Variants in AMZ1 observed in about 807,000 individuals in gnomAD.
AMZ1 encodes archaelysin family metallopeptidase 1, also known as archaemetzincin-1.
A neutral mutation model predicts 29.9 loss-of-function variants in AMZ1; 39 were observed. The ratio of observed to expected loss-of-function variants is 1.30; its 90% CI spans 1.01 to 1.70. The LOEUF (loss-of-function observed/expected upper bound fraction) is 1.70. Among genes scored for constraint, AMZ1 ranks in the 40% most tolerant of loss-of-function variants. The pLI, the probability that AMZ1 is intolerant of heterozygous loss-of-function variation, is 0.00. For synonymous variants in AMZ1, 458 were observed against 304.0 expected, an observed-to-expected ratio of 1.51 and a Z score of -5.27; for missense variants, 1,041 against 680.6, an observed-to-expected ratio of 1.53 and a Z score of -5.89.
chr7:2,759,167 AT>A (rs1791441035), intron 4 of AMZ1, among the ~76,000 whole-genome samples: 2 of 149,970 alleles, frequency 1.3e-5, no homozygotes, highest in Non-Finnish European at 3.0e-5. Flanking sequence ...AAATAAATAA[AT>A]AAATAAATAA....
At chr7:2,691,374 G>A (rs1449133179) in intron 1 of AMZ1, among the ~76,000 whole-genome samples, 1 of 148,278 alleles carries the variant, frequency 6.7e-6, no homozygotes, top group Non-Finnish European at 1.5e-5. Context: ...TTCCCTCTCT[G>A]AGCCTCAGTC....
rs140322696 is a variant in AMZ1 at position 2,731,302 on chromosome 7, C to T, written n.550+21486C>T. 3.7e-6 allele frequency: 6 copies of T among 1,613,682 alleles called. No homozygotes were observed. The highest frequency in any genetic ancestry group is 5.1e-6 in the Non-Finnish European group (6 of 1,179,838). Reference sequence around the variant, plus strand: ...GAAGTGGTGGAAGAGTGGCTTGCTGCGGTTCCGTCTCTTCCTGTCGAAGCA... The same window carrying T: ...GAAGTGGTGGAAGAGTGGCTTGCTGTGGTTCCGTCTCTTCCTGTCGAAGCA... On this transcript the variant is annotated intron_variant and non_coding_transcript_variant, in intron 4 of 4. Transcript: ENST00000489665. This position sits in a 1 kb window ranked among gnomAD's most constrained non-coding sequence, Gnocchi z 6.0.
intron 4 of AMZ1, among the ~76,000 whole-genome samples, chr7:2,735,563 G>C (rs1053645607): frequency 6.6e-6 from 1 of 152,284 alleles, no homozygotes; most frequent in East Asian, 1.9e-4. Context: ...CGTTTCCCTC[G>C]GTGTGAGTCT....
chr7:2,722,157 G>A (rs1008547314), downstream of AMZ1, among the ~76,000 whole-genome samples: 3 of 152,224 alleles, frequency 2.0e-5, no homozygotes, highest in African/African-American at 7.2e-5. Context: ...AGGAAAGGGA[G>A]TTCAGGACAC....
chr7:2,685,016 C>T (rs1787019659), upstream of AMZ1, among the ~76,000 whole-genome samples: 1 of 151,826 alleles, frequency 6.6e-6, no homozygotes, highest in Non-Finnish European at 1.5e-5. Flanking sequence ...ACTACAGGCG[C>T]CCGCCACCAC....
Position 2,700,519 on chromosome 7 carries a change from C to T in AMZ1, c.68C>T (p.Ser23Phe). The change falls in exon 2 of 7, where the codon TCC becomes TTC. Residue 23 changes from serine (S) to phenylalanine (F), a missense_variant. Physicochemically the swap from Ser to Phe is radical, Grantham distance 155 (BLOSUM62 -2). Transcript: ENST00000683327. ...CGGGCCTTGAAGGACGCTCTGGTCT[C>T]CACTGACGCAGCCCTGCAGCAGCTG... The part of the protein sequence containing the change: ...GPRALKDALV[S>F]TDAALQQLYV... The T allele has an allele frequency of 6.2e-7, 1 of 1,607,776 alleles. No individual in the cohort carries two copies. The highest frequency in any genetic ancestry group is 8.5e-7 in the Non-Finnish European group (1 of 1,179,910).
chr7:2,702,697 G>T, intron 2 of AMZ1, 25 bp from the exon 3 acceptor site: 3 of 1,512,696 alleles, frequency 2.0e-6, no homozygotes, highest in Non-Finnish European at 2.7e-6. Context: ...GCGTCGCAGG[G>T]CTGACGGTGC....
Position 2,700,626 on chromosome 7 carries a change from C to A in AMZ1, c.175C>A (p.Leu59Ile). Residue 59 changes from leucine to isoleucine, a missense_variant, in exon 2 of 7, where the codon CTC becomes ATC. Coordinates refer to ENST00000683327, the MANE Select transcript of AMZ1 (RefSeq NM_001384743.1). ...GCAGAGGACGCTCTTCTGCACCCTG[C>A]TCATCCGCACGGGCTTCGACTGGCT... Reference protein sequence around the residue: ...NPQRTLFCTLLIRTGFDWLLS... With the variant: ...NPQRTLFCTLIIRTGFDWLLS... 1 of 1,611,314 alleles carries A rather than the reference C, an allele frequency of 6.2e-7. No individual in the cohort carries two copies. The highest frequency in any genetic ancestry group is 8.5e-7 in the Non-Finnish European group (1 of 1,180,008).
intron 4 of AMZ1, among the ~76,000 whole-genome samples, chr7:2,759,521 T>G (rs755197196): frequency 4.8e-4 from 73 of 152,204 alleles, no homozygotes; most frequent in Admixed American, 7.2e-4. Context: ...AAAAGACAAG[T>G]AAAAGGAAAG....
At chr7:2,699,486 G>T (rs576393019) in intron 1 of AMZ1, among the ~76,000 whole-genome samples, 2 of 152,110 alleles carry the variant, frequency 1.3e-5, no homozygotes, top group South Asian at 4.1e-4. Flanking sequence ...GGGCCCTCAC[G>T]TGTGTCCTGG....
chr7:2,734,817 G>A (rs558099167), intron 4 of AMZ1, among the ~76,000 whole-genome samples: 5 of 152,266 alleles, frequency 3.3e-5, no homozygotes, highest in East Asian at 1.9e-4. Context: ...AGGACGGGGC[G>A]AGCACGTGCA....
At chr7:2,763,700 T>A (rs1384155239), upstream of AMZ1, among the ~76,000 whole-genome samples, 2 of 152,206 alleles carry the variant, frequency 1.3e-5, no homozygotes. Context: ...AGCCTGGGCT[T>A]GTCCAGGAAA....
At chr7:2,759,097 A>G (rs798493) in intron 4 of AMZ1, among the ~76,000 whole-genome samples, 36,039 of 151,346 alleles carry the variant, frequency 0.24, 5,028 homozygotes, top group Non-Finnish European at 0.29. Flanking sequence ...CCGAGATTAC[A>G]CCATTGCACT....
upstream of AMZ1, among the ~76,000 whole-genome samples, chr7:2,761,870 A>C (rs1403231222): frequency 6.6e-6 from 1 of 152,170 alleles, no homozygotes; most frequent in Non-Finnish European, 1.5e-5. Flanking sequence ...TCACAACGTA[A>C]AATTCGGCTT....
chr7:2,746,747 A>T (rs1034121232), intron 4 of AMZ1, among the ~76,000 whole-genome samples: 2 of 152,212 alleles, frequency 1.3e-5, no homozygotes, highest in African/African-American at 4.8e-5. Flanking sequence ...TTTTGAAAAG[A>T]TCAACAAAAC....
At chr7:2,750,419 G>T (rs1188201252) in intron 4 of AMZ1, among the ~76,000 whole-genome samples, 1 of 152,230 alleles carries the variant, frequency 6.6e-6, no homozygotes, top group Non-Finnish European at 1.5e-5. Flanking sequence ...ATCCTCAGGG[G>T]ACACATGCTG....
chr7:2,685,855 GAAAAAAA>G (rs10710624), upstream of AMZ1, among the ~76,000 whole-genome samples: 1 of 86,760 alleles, frequency 1.2e-5, no homozygotes, highest in Admixed American at 1.3e-4. Flanking sequence ...TCCGTCTCAA[GAAAAAAA>G]AAAAAAAAAA....
chr7:2,757,418 T>C (rs1215762218), intron 4 of AMZ1, among the ~76,000 whole-genome samples: 1 of 152,144 alleles, frequency 6.6e-6, no homozygotes, highest in Non-Finnish European at 1.5e-5. Flanking sequence ...AGGAGCCACG[T>C]GGCAAGGAAG....
At chr7:2,682,270 C>G (rs968428009) in intron 1 of AMZ1, among the ~76,000 whole-genome samples, 1 of 149,384 alleles carries the variant, frequency 6.7e-6, no homozygotes, top group African/African-American at 2.5e-5. Flanking sequence ...GAGAGGGTCC[C>G]CAGCTACCCC....
Sources: allele counts gnomAD v4.1 joint callset (sites outside exome capture counted in the v4.1 genomes callset), GRCh38; gene constraint gnomAD v4.1.1; non-coding constraint Gnocchi (gnomAD v3.1); transcripts MANE v1.5; gene names NCBI Gene and HGNC (gene_info 2026-07-23, HGNC 2026-07-21).